Variants in PHLDB2 observed in about 807,000 individuals in gnomAD.
PHLDB2 encodes the protein pleckstrin homology like domain family B member 2, also known as pleckstrin homology-like domain family B member 2.
In PHLDB2, 71 loss-of-function variants were observed where a neutral mutation model predicts 123.6. That is an observed-to-expected ratio of 0.57 (90% confidence interval 0.47 to 0.70). The LOEUF is 0.70. Among genes scored for constraint, PHLDB2 ranks in the 30% least tolerant of loss-of-function variants. The pLI is 0.00. For missense variants in PHLDB2, 1,446 were observed against 1,519.5 expected (o/e 0.95, Z 0.80); for synonymous variants, 547 against 541.6 (o/e 1.01, Z -0.14).
At chr3:111,743,797 C>T (rs80348230) in intron 1 of PHLDB2, among the ~76,000 whole-genome samples, 4,197 of 152,258 alleles carry the variant, frequency 0.028, 82 homozygotes, top group African/African-American at 0.045. Context: ...TCATCTTAAG[C>T]AATTTGCCTG....
At chr3:111,910,827 T>A (rs1168878801) in intron 2 of PHLDB2, among the ~76,000 whole-genome samples, 1 of 152,240 alleles carries the variant, frequency 6.6e-6, no homozygotes, top group Admixed American at 6.5e-5. Context: ...ACCTTGGACA[T>A]CAGTTTATTT....
intron 3 of PHLDB2, 142 bp from the exon 4 acceptor site, chr3:111,918,930 G>A (rs780366755): frequency 2.0e-5 from 17 of 830,980 alleles, no homozygotes; most frequent in Non-Finnish European, 3.1e-5. Context: ...AGAGCTCCAA[G>A]CGTGCAGTTG....
intron 1 of PHLDB2, among the ~76,000 whole-genome samples, chr3:111,878,024 T>A (rs2065727161): frequency 6.6e-6 from 1 of 152,248 alleles, no homozygotes; most frequent in African/African-American, 2.4e-5. Context: ...AGGATTGCTT[T>A]GGCTATGCAG....
Position 111,932,401 on chromosome 3 carries a change from A to G in PHLDB2, c.2130+4A>G. 1.9e-6 allele frequency: 3 copies of G among 1,546,180 alleles called. No individual in the cohort carries two copies. The highest frequency in any genetic ancestry group is 8.7e-7 in the Non-Finnish European group (1 of 1,144,670). ...GTTACAACAACAACTGAAGAGGGTC[A>G]GTAGCAAACAGGAATGCACCAGTTA... On this transcript the variant is annotated splice_donor_region_variant and intron_variant, in intron 6 of 17. Coordinates refer to ENST00000431670, the MANE Select transcript of PHLDB2 (RefSeq NM_001134438.2).
intron 12 of PHLDB2, among the ~76,000 whole-genome samples, chr3:111,959,418 A>G (rs1277282005): frequency 6.6e-6 from 1 of 152,238 alleles, no homozygotes; most frequent in African/African-American, 2.4e-5. Flanking sequence ...CTTTGGATTC[A>G]TGGGAAATAA....
At chr3:111,778,948 T>C (rs1353946941) in intron 1 of PHLDB2, among the ~76,000 whole-genome samples, 2 of 152,142 alleles carry the variant, frequency 1.3e-5, no homozygotes, top group African/African-American at 4.8e-5. Context: ...CTTTAGCATC[T>C]ATGTGGTTCA....
intron 1 of PHLDB2, among the ~76,000 whole-genome samples, chr3:111,864,836 G>A (rs1211068808): frequency 1.3e-5 from 2 of 152,200 alleles, no homozygotes; most frequent in African/African-American, 4.8e-5. Flanking sequence ...TTTATCGATG[G>A]CCTTAAGCCA....
intron 1 of PHLDB2, among the ~76,000 whole-genome samples, chr3:111,797,729 G>T (rs1316521823): frequency 6.6e-6 from 1 of 152,154 alleles, no homozygotes; most frequent in African/African-American, 2.4e-5. Context: ...TACCATTTTA[G>T]AACTGGATAG....
chr3:111,880,995 A>G (rs1329828864), intron 1 of PHLDB2, among the ~76,000 whole-genome samples: 1 of 152,100 alleles, frequency 6.6e-6, no homozygotes, highest in African/African-American at 2.4e-5. Context: ...TTAAGTTGTC[A>G]TGTAATGATT....
chr3:111,958,629 G>C (rs761828696), intron 12 of PHLDB2: 7 of 439,664 alleles, frequency 1.6e-5, no homozygotes, highest in Non-Finnish European at 3.2e-5. Context: ...TTAGAAACAA[G>C]CCTCAATTAG....
intron 1 of PHLDB2, among the ~76,000 whole-genome samples, chr3:111,815,189 A>C (rs1459862359): frequency 1.3e-5 from 2 of 152,140 alleles, no homozygotes; most frequent in Non-Finnish European, 2.9e-5. Context: ...TTCTTTGGTA[A>C]ATTGCCCAGT....
Position 111,834,666 on chromosome 3 carries a change from A to T in PHLDB2, c.-48-11155A>T, listed in dbSNP as rs115285188. ...CAAATTTTTAGAAGTGAAATTGTTG[A>T]ATCATAGGGGATCCTTTAATAAATG... On this transcript the variant is annotated intron_variant, in intron 1 of 17. Transcript: ENST00000393923. Among the ~76,000 whole-genome samples, 1,147 of 152,086 alleles carry T rather than the reference A, an allele frequency of 7.5e-3. 21 individuals are homozygous for T. Among genetic ancestry groups the T allele is most frequent in the African/African-American group, 0.026 (1,086 of 41,526 alleles).
intron 1 of PHLDB2, among the ~76,000 whole-genome samples, chr3:111,787,671 TC>T (rs1046805797): frequency 3.6e-4 from 54 of 152,106 alleles, no homozygotes; most frequent in African/African-American, 1.3e-3. Context: ...CCTGCCTTTT[TC>T]CTCTTTTTCC....
chr3:111,966,669 C>T lies in PHLDB2; in HGVS notation c.3134C>T (p.Ala1045Val). 6.2e-7 allele frequency: 1 copy of T among 1,613,362 alleles called. No homozygotes were observed. The highest frequency in any genetic ancestry group is 8.5e-7 in the Non-Finnish European group (1 of 1,179,618). ...IEEMERLLKQ[A>V]HAEKTRLLES... ...GAAATGGAGAGACTTTTGAAGCAGG[C>T]TCATGCAGAAAAGACGCGGCTGCTC... Residue 1045 changes from alanine to valine, a missense_variant, in exon 14 of 18, where the codon GCT becomes GTT. Physicochemically the swap from Ala to Val is moderately conservative, Grantham distance 64 (BLOSUM62 0). This residue lies in a region of PHLDB2 where 594 missense variants were observed against 646.0 expected (regional missense o/e 0.92). Coordinates refer to ENST00000431670, the MANE Select transcript of PHLDB2 (RefSeq NM_001134438.2).
intron 4 of PHLDB2, among the ~76,000 whole-genome samples, chr3:111,919,964 C>T (rs2068399243): frequency 6.6e-6 from 1 of 152,174 alleles, no homozygotes; most frequent in Admixed American, 6.5e-5. Flanking sequence ...TGGCTGCTCC[C>T]ATGGTGGTTT....
chr3:111,786,879 T>C (rs1280645164), intron 1 of PHLDB2, among the ~76,000 whole-genome samples: 1 of 152,214 alleles, frequency 6.6e-6, no homozygotes, highest in Non-Finnish European at 1.5e-5. Flanking sequence ...CTCCTATGCC[T>C]ATTTTAATAA....
chr3:111,788,585 T>G (rs1024573452), intron 1 of PHLDB2, among the ~76,000 whole-genome samples: 2 of 152,200 alleles, frequency 1.3e-5, no homozygotes, highest in African/African-American at 4.8e-5. Context: ...AAAAAGAGCC[T>G]AAGATGATGC....
intron 2 of PHLDB2, among the ~76,000 whole-genome samples, chr3:111,891,315 C>T (rs1114582): frequency 0.6 from 91,592 of 151,904 alleles, 28,396 homozygotes; most frequent in East Asian, 0.95. Flanking sequence ...CCAGCCACTC[C>T]CCATCACTCA....
intron 6 of PHLDB2, among the ~76,000 whole-genome samples, chr3:111,938,068 A>G (rs1464694664): frequency 6.6e-6 from 1 of 152,120 alleles, no homozygotes; most frequent in Non-Finnish European, 1.5e-5. Flanking sequence ...GTGGTGTTTA[A>G]CCTTTTGAGT....
Sources: allele counts gnomAD v4.1 joint callset (sites outside exome capture counted in the v4.1 genomes callset), GRCh38; gene constraint gnomAD v4.1.1; regional missense constraint gnomAD v4.1.1; transcripts MANE v1.5; gene names NCBI Gene and HGNC (gene_info 2026-07-23, HGNC 2026-07-21).